Variants in FHOD3 observed in about 807,000 individuals in gnomAD.
FHOD3 encodes FH1/FH2 domain-containing protein 3.
A neutral mutation model predicts 173.0 loss-of-function variants in FHOD3; 90 were observed. The ratio of observed to expected loss-of-function variants is 0.52; its 90% CI spans 0.44 to 0.62. FHOD3 has a LOEUF of 0.62. FHOD3 is among the 20% of genes least tolerant of loss of function. FHOD3 has a pLI of 0.00. For missense variants in FHOD3, 1,945 were observed against 2,034.7 expected (o/e 0.96, Z 0.85); for synonymous variants, 828 against 823.0 (o/e 1.01, Z -0.10).
chr18:36,528,425 G>T (rs1473027421), intron 5 of FHOD3, among the ~76,000 whole-genome samples: 2 of 152,210 alleles, frequency 1.3e-5, no homozygotes, highest in African/African-American at 2.4e-5. Context: ...AGAGAGCCCT[G>T]TGTTTCTCAG....
At chr18:36,351,262 A>T (rs1223750014) in intron 1 of FHOD3, among the ~76,000 whole-genome samples, 2 of 151,980 alleles carry the variant, frequency 1.3e-5, no homozygotes, top group Non-Finnish European at 2.9e-5. Flanking sequence ...CAGTTGAGGG[A>T]CTCACTAGCA....
chr18:36,597,580 C>A (rs1311645631), intron 7 of FHOD3, among the ~76,000 whole-genome samples: 2 of 152,080 alleles, frequency 1.3e-5, no homozygotes, highest in African/African-American at 4.8e-5. Context: ...GTGCCCACCA[C>A]CATGCCCGGC....
chr18:36,586,967 C>T (rs932726361), intron 6 of FHOD3, among the ~76,000 whole-genome samples: 5 of 151,932 alleles, frequency 3.3e-5, no homozygotes, highest in African/African-American at 1.2e-4. Context: ...ATACACAAAA[C>T]CAAAAGTGAG....
intron 17 of FHOD3, among the ~76,000 whole-genome samples, chr18:36,695,562 G>T (rs2039234655): frequency 6.6e-6 from 1 of 152,104 alleles, no homozygotes; most frequent in Non-Finnish European, 1.5e-5. Flanking sequence ...AAAAGTACTG[G>T]CTCCTGTGAG....
intron 1 of FHOD3, among the ~76,000 whole-genome samples, chr18:36,328,892 G>A (rs1161748145): frequency 3.9e-5 from 6 of 152,168 alleles, no homozygotes; most frequent in Admixed American, 3.9e-4. Flanking sequence ...TTAAGGTGGG[G>A]CTGTCAGTTG....
At chr18:36,684,968 T>C (rs1038886359) in intron 15 of FHOD3, among the ~76,000 whole-genome samples, 4 of 152,142 alleles carry the variant, frequency 2.6e-5, no homozygotes, top group African/African-American at 9.7e-5. Context: ...GACTACTGGC[T>C]AATTTTTGTA....
chr18:36,481,979 A>G (rs186647667), intron 3 of FHOD3, among the ~76,000 whole-genome samples: 158 of 152,354 alleles, frequency 1.0e-3, no homozygotes, highest in African/African-American at 3.6e-3. Context: ...GGAATTAGGC[A>G]GAAGGTATGT....
At chr18:36,328,269 T>G (rs677347) in intron 1 of FHOD3, among the ~76,000 whole-genome samples, 117,915 of 152,000 alleles carry the variant, frequency 0.78, 46,026 homozygotes, top group African/African-American at 0.85. Flanking sequence ...ATGTGGGGTA[T>G]CCCAGGAAGG....
chr18:36,643,554 A>G (rs1263069441), intron 10 of FHOD3, among the ~76,000 whole-genome samples: 1 of 152,078 alleles, frequency 6.6e-6, no homozygotes, highest in Admixed American at 6.6e-5. Flanking sequence ...TGCCAGTTAA[A>G]CCTATATATC....
chr18:36,385,553 T>C (rs2047988945), intron 3 of FHOD3, among the ~76,000 whole-genome samples: 1 of 152,128 alleles, frequency 6.6e-6, no homozygotes, highest in African/African-American at 2.4e-5. Flanking sequence ...CCCACCACCA[T>C]GCCTGGCTAA....
At chr18:36,515,509 G>A (rs1378249150) in intron 5 of FHOD3, among the ~76,000 whole-genome samples, 4 of 152,308 alleles carry the variant, frequency 2.6e-5, no homozygotes, top group Middle Eastern at 3.4e-3. Flanking sequence ...GAGCCACTGC[G>A]CCCGGCCACA....
intron 2 of FHOD3, among the ~76,000 whole-genome samples, chr18:36,366,241 C>T (rs528580736): frequency 5.9e-5 from 9 of 151,382 alleles, no homozygotes; most frequent in South Asian, 2.1e-4. Context: ...GAAGAGAGAA[C>T]GAGAAAAAGG....
chr18:36,580,457 GGA>G (rs1465611007), intron 6 of FHOD3, among the ~76,000 whole-genome samples: 3 of 152,232 alleles, frequency 2.0e-5, no homozygotes, highest in Non-Finnish European at 2.9e-5. Context: ...TTGTTGGAAA[GGA>G]GAATTCTGGG....
intron 3 of FHOD3, among the ~76,000 whole-genome samples, chr18:36,471,587 C>G (rs1281763226): frequency 6.6e-6 from 1 of 152,172 alleles, no homozygotes; most frequent in Non-Finnish European, 1.5e-5. Flanking sequence ...CTTCTCCAAG[C>G]AAAGACTCCT....
At chr18:36,567,660 C>T (rs2058312732) in intron 5 of FHOD3, among the ~76,000 whole-genome samples, 1 of 152,178 alleles carries the variant, frequency 6.6e-6, no homozygotes, top group Non-Finnish European at 1.5e-5. Context: ...ATTGAACTGA[C>T]AGTGCTTTTA....
At chr18:36,328,319 G>A (rs143788447) in intron 1 of FHOD3, among the ~76,000 whole-genome samples, 80 of 152,252 alleles carry the variant, frequency 5.3e-4, no homozygotes, top group African/African-American at 1.8e-3. Context: ...CCAACAGGGT[G>A]GGAGAGAGGA....
chr18:36,746,871 G>C (rs2042178310), intron 23 of FHOD3, 74 bp from the exon 24 acceptor site: 1 of 1,153,660 alleles, frequency 8.7e-7, no homozygotes. Flanking sequence ...TCTCCCCAGA[G>C]GCAGTTTTGT....
chr18:36,575,131 C>T (rs1408611691), intron 5 of FHOD3, among the ~76,000 whole-genome samples: 1 of 152,042 alleles, frequency 6.6e-6, no homozygotes, highest in African/African-American at 2.4e-5. Context: ...CCACCACACC[C>T]ATCTAATTTT....
intron 19 of FHOD3, among the ~76,000 whole-genome samples, chr18:36,727,764 AC>A (rs1453506105): frequency 6.6e-6 from 1 of 152,158 alleles, no homozygotes; most frequent in Non-Finnish European, 1.5e-5. Context: ...CTACATGTGG[AC>A]ACTGGCTGCC....
Sources: allele counts gnomAD v4.1 joint callset (sites outside exome capture counted in the v4.1 genomes callset), GRCh38; gene constraint gnomAD v4.1.1; transcripts MANE v1.5; gene names NCBI Gene and HGNC (gene_info 2026-07-23, HGNC 2026-07-21).